DPP4: variants seen among roughly 807,000 people sequenced by gnomAD.
DPP4 encodes ADCP-2.
In DPP4, 93 loss-of-function variants were observed where a neutral mutation model predicts 122.4. That is an observed-to-expected ratio of 0.76 (90% CI 0.64 to 0.90). The LOEUF (loss-of-function observed/expected upper bound fraction) is 0.90, where lower values mean the gene tolerates loss of function less well. DPP4 is among the 40% of genes least tolerant of loss of function. DPP4 has a pLI of 0.00. For synonymous variants in DPP4, 321 were observed against 302.9 expected, an observed-to-expected ratio of 1.06 and a Z score of -0.62; for missense variants, 914 against 907.3, an observed-to-expected ratio of 1.01 and a Z score of -0.09.
chr2:162,036,090 C>T (rs901547255), intron 8 of DPP4, among the ~76,000 whole-genome samples: 4 of 152,274 alleles, frequency 2.6e-5, no homozygotes, highest in South Asian at 2.1e-4. Context: ...GATATTCAAT[C>T]ACTGGCTCTT....
chr2:162,025,178 T>A (rs531601776), intron 10 of DPP4, among the ~76,000 whole-genome samples: 1 of 152,306 alleles, frequency 6.6e-6, no homozygotes, highest in East Asian at 1.9e-4. Context: ...AACAATATTC[T>A]ACAGTGGCTT....
Position 162,018,758 on chromosome 2 carries a change from T to C in DPP4, c.1391A>G (p.Glu464Gly), listed in dbSNP as rs201558355. The change falls in exon 16 of 26, where the codon GAG becomes GGG. Residue 464 changes from glutamate (E) to glycine (G), a missense_variant. By Grantham distance (98) the Glu-to-Gly change is moderately conservative. Transcript: ENST00000360534. Reference sequence around the variant, plus strand: ...ACATCTCAGCTGATAATACTTCGCCTCTTTACTGAATGACACAGAATAGTA... The same window carrying C: ...ACATCTCAGCTGATAATACTTCGCCCCTTTACTGAATGACACAGAATAGTA... ...CQYYSVSFSK[E>G]AKYYQLRCSG... The C allele has an allele frequency of 3.8e-5, 61 of 1,614,046 alleles. No individual in the cohort carries two copies. Among genetic ancestry groups the C allele is most frequent in the Admixed American group, 6.7e-5 (4 of 59,982 alleles).
chr2:162,020,739 A>C, intron 12 of DPP4, 51 bp from the exon 13 acceptor site: 3 of 1,369,832 alleles, frequency 2.2e-6, no homozygotes, highest in South Asian at 1.3e-5. Flanking sequence ...GTCTCATCTC[A>C]GTACCAACTT....
chr2:162,018,540 G>A (rs1683001232), intron 16 of DPP4, among the ~76,000 whole-genome samples, 189 bp downstream of exon 16: 1 of 152,192 alleles, frequency 6.6e-6, no homozygotes, highest in African/African-American at 2.4e-5. Context: ...TTCGGTCTAA[G>A]GCAAGCTATG....
intron 2 of DPP4, among the ~76,000 whole-genome samples, chr2:162,062,961 T>C (rs1337075781): frequency 6.6e-6 from 1 of 151,474 alleles, no homozygotes; most frequent in Non-Finnish European, 1.5e-5. Flanking sequence ...GTCTGTTGTG[T>C]TGAGAATACA....
chr2:162,046,745 T>G (rs1559720993), intron 4 of DPP4, 170 bp downstream of exon 4: 1 of 676,800 alleles, frequency 1.5e-6, no homozygotes, highest in South Asian at 1.5e-5. Flanking sequence ...CAAAGGAGAC[T>G]AAAAAGTAGC....
At chr2:162,062,213 C>G (rs907827244) in intron 2 of DPP4, among the ~76,000 whole-genome samples, 17 of 152,038 alleles carry the variant, frequency 1.1e-4, no homozygotes, top group Non-Finnish European at 1.5e-5. Flanking sequence ...AACTGGGAGG[C>G]AGTGGTTGCA....
intron 5 of DPP4, 102 bp from the exon 6 acceptor site, chr2:162,039,286 A>G: frequency 1.0e-6 from 1 of 967,072 alleles, no homozygotes; most frequent in East Asian, 2.5e-5. Context: ...ATGATTGTAT[A>G]ATTCTCACAT....
intron 2 of DPP4, among the ~76,000 whole-genome samples, chr2:162,048,423 G>T (rs1342666163): frequency 3.3e-5 from 5 of 151,974 alleles, no homozygotes; most frequent in East Asian, 1.9e-4. Flanking sequence ...TCATTCTGGT[G>T]ATCCCTTCGC....
At position 162,062,024 on chromosome 2, in the gene DPP4, T is replaced by C. The variant is rs761126192; in HGVS notation, c.94+11375A>G. Among the ~76,000 whole-genome samples the C allele has an allele frequency of 1.4e-3, 219 of 152,170 alleles. 2 individuals carry two copies. The highest frequency in any genetic ancestry group is 3.4e-3 in the Middle Eastern group (1 of 294). On this transcript the variant is annotated intron_variant, in intron 2 of 25. Transcript: ENST00000360534. Reference sequence around the variant, plus strand: ...TGGCTTACACCTATAATCCCAGCACTTTGGGAGGCCAAGACAGGCAAATCA... The same window carrying C: ...TGGCTTACACCTATAATCCCAGCACCTTGGGAGGCCAAGACAGGCAAATCA...
chr2:162,032,760 T>C (rs1458915338), intron 10 of DPP4, among the ~76,000 whole-genome samples: 1 of 150,660 alleles, frequency 6.6e-6, no homozygotes, highest in Admixed American at 6.6e-5. Context: ...TGAGTAAATA[T>C]GGAGCTATCA....
chr2:162,011,907 A>G lies in DPP4; in HGVS notation c.1718T>C (p.Ile573Thr), dbSNP rs1559708222. Reference protein sequence around the residue: ...WATYLASTENIIVASFDGRGS... With the variant: ...WATYLASTENTIVASFDGRGS... ...TCTGCCATCAAAGCTAGCTACTATAATGTTTTCTGTGCTTGCAAGGTAAGT... is the reference window on the plus strand; with the variant it reads ...TCTGCCATCAAAGCTAGCTACTATAGTGTTTTCTGTGCTTGCAAGGTAAGT... The change falls in exon 20 of 26, where the codon ATT becomes ACT. Residue 573 changes from isoleucine to threonine, a missense_variant. Transcript: ENST00000360534. The G allele has an allele frequency of 2.5e-6, 4 of 1,613,526 alleles. No homozygotes were observed. In the African/African-American group the frequency reaches 4.0e-5, roughly 16 times the overall value.
intron 2 of DPP4, among the ~76,000 whole-genome samples, chr2:162,059,573 C>T (rs1173933537): frequency 6.6e-6 from 1 of 152,188 alleles, no homozygotes; most frequent in Non-Finnish European, 1.5e-5. Context: ...AAGATCAGCT[C>T]ATGTTTAAAA....
chr2:161,993,158 A>C lies in DPP4; in HGVS notation c.*125T>G. On this transcript the variant is annotated 3_prime_UTR_variant, in exon 26 of 26. Transcript: ENST00000360534. The stretch of plus-strand genomic sequence containing the variant: ...AGGTATGAAATTTGGGAACAAAGGT[A>C]ACCTTAAGTTTCTTGATTTGAGTGT... 1 of 722,572 alleles carries C rather than the reference A, an allele frequency of 1.4e-6. No individual in the cohort carries two copies. Among genetic ancestry groups the C allele is most frequent in the Non-Finnish European group, 2.3e-6 (1 of 429,200 alleles). The allele number at this position is 722,572 out of a possible 1,614,324, so 44.8% of individuals were successfully genotyped here.
chr2:162,045,588 C>A lies in DPP4; in HGVS notation c.310G>T (p.Asp104Tyr). 1 of 1,612,674 alleles carries A rather than the reference C, an allele frequency of 6.2e-7. No individual in the cohort carries two copies. Among genetic ancestry groups the A allele is most frequent in the Non-Finnish European group, 8.5e-7 (1 of 1,178,970 alleles). ...TGCCCATCAGGAGATATTGAATAAT[C>A]ATTGATAGAATGTCCAAACTCATCC... ...TFDEFGHSIN[D>Y]YSISPDGQFI... The change falls in exon 5 of 26, where the codon GAT becomes TAT. Residue 104 changes from aspartate (D) to tyrosine (Y), a missense_variant. Physicochemically the swap from Asp to Tyr is radical, Grantham distance 160 (BLOSUM62 -3). Transcript: ENST00000360534.
intron 2 of DPP4, among the ~76,000 whole-genome samples, chr2:162,047,999 A>G (rs1684249615): frequency 6.6e-6 from 1 of 152,082 alleles, no homozygotes; most frequent in South Asian, 2.1e-4. Context: ...CAATTTGACT[A>G]GGTACATTTT....
At chr2:162,020,758 G>T in intron 12 of DPP4, 70 bp from the exon 13 acceptor site, 1 of 1,140,874 alleles carries the variant, frequency 8.8e-7, no homozygotes, top group Non-Finnish European at 1.3e-6. Flanking sequence ...TTTAGTTTTA[G>T]AAAGTCCTGT....
rs751700679 is a variant in DPP4 at position 162,047,390 on chromosome 2, A to C, written c.193+13T>G. ...GTAAGCATAAAATCTGCCCTACCCC[A>C]AAAAATTCTTACCTGAAATCCATCT... is the stretch of plus-strand genomic sequence containing the variant. On this transcript the variant is annotated intron_variant, in intron 3 of 25. Transcript: ENST00000360534. 3 of 1,499,890 alleles carry C rather than the reference A, an allele frequency of 2.0e-6. No individual in the cohort carries two copies. Among genetic ancestry groups the C allele is most frequent in the Non-Finnish European group, 1.8e-6 (2 of 1,102,502 alleles). 92.9% of individuals were successfully genotyped at this position (1,499,890 alleles called of 1,614,324 possible).
chr2:162,051,880 T>C (rs1684395191), intron 2 of DPP4, among the ~76,000 whole-genome samples: 1 of 152,214 alleles, frequency 6.6e-6, no homozygotes, highest in African/African-American at 2.4e-5. Context: ...GTCCATTTCT[T>C]GCCTTGGGGC....
Sources: gnomAD v4.1 joint callset for allele counts (sites outside exome capture counted in the v4.1 genomes callset) on GRCh38, gnomAD v4.1.1 for gene constraint, MANE v1.5 for transcripts, NCBI Gene and HGNC (gene_info 2026-07-23, HGNC 2026-07-21) for gene names.